The following PIP5K1C variants were observed in gnomAD, a reference collection of about 807,000 sequenced individuals.
PIP5K1C encodes the protein phosphatidylinositol-4-phosphate 5-kinase type 1 gamma.
PIP5K1C carries 45 observed loss-of-function variants against 80.1 expected under a neutral mutation model. That is an observed-to-expected ratio of 0.56 (90% CI 0.44 to 0.72). PIP5K1C has a LOEUF of 0.72. Among genes scored for constraint, PIP5K1C ranks in the 30% least tolerant of loss-of-function variants. The pLI is 0.00. For missense variants in PIP5K1C, 753 were observed against 954.6 expected, an observed-to-expected ratio of 0.79 and a Z score of 2.78; for synonymous variants, 498 against 420.1, an observed-to-expected ratio of 1.19 and a Z score of -2.27.
rs879347481 is a variant in PIP5K1C at position 3,648,962 on chromosome 19, G to A, written c.1128-254C>T. Reference sequence around the variant, plus strand: ...CTGGGCACATACCCCCTACACACACGTGTGCCTGGACACACACATGCACAC... The same window carrying A: ...CTGGGCACATACCCCCTACACACACATGTGCCTGGACACACACATGCACAC... On this transcript the variant is annotated intron_variant, in intron 8 of 17. Coordinates refer to ENST00000335312, the MANE Select transcript of PIP5K1C (RefSeq NM_012398.3). The surrounding 1 kb of genome is among the most constrained non-coding windows in gnomAD (Gnocchi z 4.3). Among the ~76,000 whole-genome samples, 6 of 152,116 alleles carry A rather than the reference G, an allele frequency of 3.9e-5. No individual in the cohort carries two copies. Among genetic ancestry groups the A allele is most frequent in the Non-Finnish European group, 7.4e-5 (5 of 68,006 alleles).
chr19:3,663,564 G>A (rs557475313), intron 3 of PIP5K1C, among the ~76,000 whole-genome samples: 3 of 152,202 alleles, frequency 2.0e-5, no homozygotes, highest in Non-Finnish European at 2.9e-5. Context: ...CTGGAATCCC[G>A]GCCAGTCGGG....
At chr19:3,684,782 C>A (rs2035701682) in intron 1 of PIP5K1C, among the ~76,000 whole-genome samples, 1 of 152,232 alleles carries the variant, frequency 6.6e-6, no homozygotes, top group Non-Finnish European at 1.5e-5. Flanking sequence ...GGCAGCAAAG[C>A]CCCGGGCGGC....
At chr19:3,638,788 T>G (rs1368421376) in intron 16 of PIP5K1C, 96 bp downstream of exon 16, 3 of 1,503,144 alleles carry the variant, frequency 2.0e-6, no homozygotes, top group Non-Finnish European at 2.8e-6. Flanking sequence ...CACGTGCCTG[T>G]GTGCAGGTGT....
chr19:3,683,134 G>A lies in PIP5K1C; in HGVS notation c.95-15781C>T, dbSNP rs77847391. ...TCCCCTCCCTGGTCACCCTGCCCCC[G>A]CTGGGTTTACTTCTCTCTACTCCTT... is the stretch of plus-strand genomic sequence containing the variant. On this transcript the variant is annotated intron_variant, in intron 1 of 17. Transcript: ENST00000335312. Among the ~76,000 whole-genome samples, 398 of 152,208 alleles carry A rather than the reference G, an allele frequency of 2.6e-3. 14 individuals carry two copies. The East Asian group carries it at 0.063, about 24-fold the overall frequency.
chr19:3,684,198 T>A (rs1600079421), intron 1 of PIP5K1C, among the ~76,000 whole-genome samples: 2 of 152,238 alleles, frequency 1.3e-5, no homozygotes, highest in South Asian at 4.1e-4. Flanking sequence ...AGCGCTGCAG[T>A]GGTAACCACA....
rs183246836 is a variant in PIP5K1C at position 3,636,229 on chromosome 19, A to G, written c.1920+2655T>C. 2.2e-3 allele frequency among the ~76,000 whole-genome samples: 333 copies of G among 152,158 alleles called. 2 individuals are homozygous for G. The highest frequency in any genetic ancestry group is 2.1e-3 in the Non-Finnish European group (143 of 67,980). On this transcript the variant is annotated intron_variant, in intron 16 of 17. Transcript: ENST00000335312. ...GCAGGAGTTGGGGGGACAGAGAGGG[A>G]CACCCTCAGCCAGCAGCTGGGCAGA...
chr19:3,667,382 C>T, intron 1 of PIP5K1C, 29 bp from the exon 2 acceptor site: 1 of 1,612,618 alleles, frequency 6.2e-7, no homozygotes, highest in South Asian at 1.1e-5. Flanking sequence ...GGGTATCAGA[C>T]AGGAAACCGG....
Position 3,692,033 on chromosome 19 carries a change from C to T in PIP5K1C, c.94+8264G>A, listed in dbSNP as rs1440350997. ...CATGCACCGTGGCCAGTCCAAGCAC[C>T]GCACGGGAAGGGTGCACAGTGGGAG... On this transcript the variant is annotated intron_variant, in intron 1 of 17. Transcript: ENST00000335312. The surrounding 1 kb of genome is among the most constrained non-coding windows in gnomAD (Gnocchi z 5.2). Among the ~76,000 whole-genome samples, 5 of 152,322 alleles carry T rather than the reference C, an allele frequency of 3.3e-5. No individual in the cohort carries two copies. In the South Asian group the frequency reaches 6.2e-4, roughly 19 times the overall value.
In PIP5K1C at chr19:3,648,324, C is replaced by G. The variant is rs2034313343; in HGVS notation, c.1211+301G>C. Among the ~76,000 whole-genome samples, 1 of 152,208 alleles carries G rather than the reference C, an allele frequency of 6.6e-6. No homozygotes were observed. Reference sequence around the variant, plus strand: ...GGTGTGGACCACTACGCCCAACTCACTCTAGATTTTCAAGGCGACCAAACA... The same window carrying G: ...GGTGTGGACCACTACGCCCAACTCAGTCTAGATTTTCAAGGCGACCAAACA... On this transcript the variant is annotated intron_variant, in intron 9 of 17. Coordinates refer to ENST00000335312, the MANE Select transcript of PIP5K1C (RefSeq NM_012398.3). This position sits in a 1 kb window ranked among gnomAD's most constrained non-coding sequence, Gnocchi z 4.3.
intron 1 of PIP5K1C, among the ~76,000 whole-genome samples, chr19:3,683,450 G>A (rs1281652253): frequency 6.6e-6 from 1 of 152,232 alleles, no homozygotes; most frequent in African/African-American, 2.4e-5. Context: ...GAGCTGGCCA[G>A]AGACGAGCTA....
chr19:3,689,605 C>T (rs375125573), intron 1 of PIP5K1C, among the ~76,000 whole-genome samples: 4 of 152,048 alleles, frequency 2.6e-5, no homozygotes, highest in South Asian at 2.1e-4. Flanking sequence ...GCTGAGATCG[C>T]GCCACTGCAC....
chr19:3,647,290 G>GAGGAGGAGGGAT (rs768396696), intron 10 of PIP5K1C, 48 bp downstream of exon 10: 3 of 1,422,410 alleles, frequency 2.1e-6, no homozygotes, highest in African/African-American at 3.1e-5. Flanking sequence ...GCACTCACAG[G>GAGGAGGAGGGAT]AGGAGGAGGG....
rs2034337808 is a variant in PIP5K1C at position 3,648,735 on chromosome 19, C to G, written c.1128-27G>C. ...TGGGGAGAGAGGCCGAGGGTACCAT[C>G]AGCATCCCGCAGAGCTGGGACTCGG... On this transcript the variant is annotated intron_variant, in intron 8 of 17. Transcript: ENST00000335312. The surrounding 1 kb of genome is among the most constrained non-coding windows in gnomAD (Gnocchi z 4.3). The G allele has an allele frequency of 6.3e-7, 1 of 1,596,470 alleles. No individual in the cohort carries two copies.
intron 1 of PIP5K1C, among the ~76,000 whole-genome samples, chr19:3,671,850 C>T (rs371349983): frequency 1.1e-4 from 17 of 152,366 alleles, no homozygotes; most frequent in African/African-American, 4.1e-4. Context: ...GCTGTCATGA[C>T]GGTGAGCTCT....
chr19:3,664,975 C>T (rs1021030422), intron 2 of PIP5K1C, 61 bp from the exon 3 acceptor site: 23 of 1,318,420 alleles, frequency 1.7e-5, no homozygotes, highest in Admixed American at 1.5e-4. Context: ...GGACAGGGCA[C>T]GCTCTGAAAC....
At chr19:3,689,320 G>A (rs2035873589) in intron 1 of PIP5K1C, among the ~76,000 whole-genome samples, 1 of 152,192 alleles carries the variant, frequency 6.6e-6, no homozygotes, top group Non-Finnish European at 1.5e-5. Context: ...AGGGCTCAGT[G>A]TGCGCCTGAA....
intron 1 of PIP5K1C, among the ~76,000 whole-genome samples, chr19:3,670,406 T>C (rs2035168748): frequency 1.3e-5 from 2 of 150,890 alleles, no homozygotes; most frequent in African/African-American, 2.4e-5. Context: ...CCGTGTGGGG[T>C]GGAGGCGGGG....
At chr19:3,684,364 C>T (rs529866547) in intron 1 of PIP5K1C, among the ~76,000 whole-genome samples, 12 of 152,326 alleles carry the variant, frequency 7.9e-5, no homozygotes, top group South Asian at 4.1e-4. Context: ...CCTTCCATCC[C>T]GGGGACAGGG....
At chr19:3,698,438 C>A (rs546262208) in intron 1 of PIP5K1C, among the ~76,000 whole-genome samples, 1 of 152,210 alleles carries the variant, frequency 6.6e-6, no homozygotes, top group African/African-American at 2.4e-5. Context: ...CTCTACAAAC[C>A]GATACCAACA....
Sources: allele counts gnomAD v4.1 joint callset (sites outside exome capture counted in the v4.1 genomes callset), GRCh38; gene constraint gnomAD v4.1.1; non-coding constraint Gnocchi (gnomAD v3.1); transcripts MANE v1.5; gene names NCBI Gene and HGNC (gene_info 2026-07-23, HGNC 2026-07-21).